SUPT16H: variants seen among roughly 807,000 people sequenced by gnomAD.
SUPT16H encodes the protein FACT complex subunit SPT16.
SUPT16H carries 24 observed loss-of-function variants against 136.2 expected under a neutral mutation model. That is an observed-to-expected ratio of 0.18 (90% CI 0.13 to 0.25). The LOEUF is 0.25. SUPT16H is among the 10% of genes least tolerant of loss of function. The probability of loss-of-function intolerance (pLI) is 1.00; values close to 1 mark genes in which losing one functional copy is unlikely to be tolerated. For synonymous variants in SUPT16H, 415 were observed against 428.2 expected (o/e 0.97, Z 0.38); for missense variants, 623 against 1,270.2 (o/e 0.49, Z 7.74).
At chr14:21,361,294 G>T in intron 15 of SUPT16H, 81 bp from the exon 16 acceptor site, 4 of 1,294,616 alleles carry the variant, frequency 3.1e-6, no homozygotes, top group Non-Finnish European at 3.3e-6. Flanking sequence ...CTTCTAAGCA[G>T]CTTAATCTCT....
chr14:21,372,226 TTAG>T (rs768651980), intron 2 of SUPT16H, 182 bp from the exon 3 acceptor site: 465 of 600,964 alleles, frequency 7.7e-4, no homozygotes, highest in Non-Finnish European at 1.1e-3. Flanking sequence ...CGACAATTTA[TTAG>T]AACAGGACAA....
At chr14:21,363,193 T>G in intron 12 of SUPT16H, 40 bp downstream of exon 12, 1 of 1,614,110 alleles carries the variant, frequency 6.2e-7, no homozygotes, top group African/African-American at 1.3e-5. Context: ...GTGAGCCATA[T>G]GACAGCCGAG....
intron 24 of SUPT16H, 41 bp downstream of exon 24, chr14:21,353,662 A>T (rs3736824): frequency 1.2e-6 from 2 of 1,604,446 alleles, no homozygotes; most frequent in Non-Finnish European, 1.7e-6. Context: ...AAATGACATT[A>T]GATTAGGAAG....
At chr14:21,383,353 G>A (rs955981718) in intron 1 of SUPT16H, 1 of 466,444 alleles carries the variant, frequency 2.1e-6, no homozygotes, top group African/African-American at 2.0e-5. Flanking sequence ...TTGCGCGTGA[G>A]CAGTATTTCT....
In SUPT16H at chr14:21,361,087, T is replaced by C. The variant is rs1396382337; in HGVS notation, c.1920A>G (p.Lys640=). The C allele has an allele frequency of 6.2e-7, 1 of 1,613,634 alleles. No individual in the cohort carries two copies. Among genetic ancestry groups the C allele is most frequent in the African/African-American group, 1.3e-5 (1 of 74,852 alleles). ...KRYKTREAEE[K]EKEGIVKQDS... ...CTGTGTTCAGGCTCACCTCCTTCTC[T>C]TTCTCTTCAGCTTCTCGAGTTTTAT... The change falls in exon 16 of 26, where the codon AAA becomes AAG. Residue 640 remains lysine, a synonymous_variant. Transcript: ENST00000216297.
intron 10 of SUPT16H, among the ~76,000 whole-genome samples, chr14:21,364,286 A>G (rs1372795868): frequency 6.6e-6 from 1 of 152,180 alleles, no homozygotes; most frequent in Non-Finnish European, 1.5e-5. Flanking sequence ...CTGAATTTAC[A>G]TCAACTGCTC....
intron 22 of SUPT16H, among the ~76,000 whole-genome samples, chr14:21,355,227 G>A (rs1269999586): frequency 6.6e-6 from 1 of 151,920 alleles, no homozygotes; most frequent in Non-Finnish European, 1.5e-5. Context: ...GGGTGCGGTG[G>A]CTCACGCCTG....
chr14:21,360,288 A>T (rs989575417), intron 18 of SUPT16H, 127 bp downstream of exon 18: 9 of 677,870 alleles, frequency 1.3e-5, no homozygotes, highest in Middle Eastern at 3.3e-4. Context: ...TCGGCCTCCC[A>T]AAGTGCTGGG....
rs888333552 is a variant in SUPT16H, at chr14:21,365,099, T to C, written c.1091A>G (p.Asn364Ser). 4.3e-6 allele frequency: 7 copies of C among 1,613,926 alleles called. No individual in the cohort carries two copies. Among genetic ancestry groups the C allele is most frequent in the East Asian group, 2.2e-5 (1 of 44,870 alleles). Residue 364 changes from asparagine (N) to serine (S), a missense_variant, in exon 9 of 26, where the codon AAT (asparagine) becomes AGT (serine). Physicochemically the swap from Asn to Ser is conservative, Grantham distance 46. Coordinates refer to ENST00000216297, the MANE Select transcript of SUPT16H (RefSeq NM_007192.4). ...IEFREGSLVI[N>S]SKNQYKLKKG... ...CTTCAGTTTGTATTGATTTTTGCTA[T>C]TGATTACTAGGGAGCCTTCACGGAA... is the stretch of plus-strand genomic sequence containing the variant.
chr14:21,372,104 A>G, intron 2 of SUPT16H, 60 bp from the exon 3 acceptor site: 1 of 1,516,988 alleles, frequency 6.6e-7, no homozygotes, highest in East Asian at 2.3e-5. Context: ...ATGGACTCAT[A>G]TAGATATACA....
intron 20 of SUPT16H, 130 bp downstream of exon 20, chr14:21,358,185 T>A: frequency 1.2e-6 from 1 of 813,126 alleles, no homozygotes; most frequent in South Asian, 1.9e-5. Context: ...CAAGAAAAAA[T>A]GGATGTCTCA....
intron 1 of SUPT16H, among the ~76,000 whole-genome samples, chr14:21,382,684 A>G (rs1390725850): frequency 6.7e-6 from 1 of 150,032 alleles, no homozygotes; most frequent in East Asian, 2.0e-4. Context: ...TGACACTGAG[A>G]GAAGCTGCAA....
intron 20 of SUPT16H, 91 bp from the exon 21 acceptor site, chr14:21,358,093 A>G: frequency 1.7e-6 from 2 of 1,211,770 alleles, no homozygotes; most frequent in Non-Finnish European, 2.4e-6. Context: ...CCCATTCCAA[A>G]CAGCTCCAGC....
chr14:21,382,492 A>C (rs1887050242), intron 1 of SUPT16H, among the ~76,000 whole-genome samples: 1 of 152,224 alleles, frequency 6.6e-6, no homozygotes, highest in African/African-American at 2.4e-5. Context: ...AATGGTATAG[A>C]GAGAATGAAA....
chr14:21,378,215 A>G (rs2139419141), intron 1 of SUPT16H, among the ~76,000 whole-genome samples: 1 of 152,300 alleles, frequency 6.6e-6, no homozygotes, highest in South Asian at 2.1e-4. Flanking sequence ...ACAGAAGAAA[A>G]TTCTATGAGT....
At chr14:21,377,752 T>C (rs1373693960) in intron 1 of SUPT16H, among the ~76,000 whole-genome samples, 1 of 152,158 alleles carries the variant, frequency 6.6e-6, no homozygotes, top group Non-Finnish European at 1.5e-5. Flanking sequence ...GCCTCCTAAG[T>C]AGCTGGCATT....
rs565524312 is a variant in SUPT16H, at chr14:21,357,538, A to G, written c.2491-172T>C. On this transcript the variant is annotated intron_variant, in intron 21 of 25. Coordinates refer to ENST00000216297, the MANE Select transcript of SUPT16H (RefSeq NM_007192.4). The stretch of plus-strand genomic sequence containing the variant: ...CATACTAAGAAGCCACAGAAAAAGG[A>G]TCTGCAAGATACAAAAATCATCCCT... Among the ~76,000 whole-genome samples, 19 of 152,210 alleles carry G rather than the reference A, an allele frequency of 1.2e-4. No individual in the cohort carries two copies. The South Asian group carries it at 3.7e-3, about 30-fold the overall frequency.
chr14:21,357,128 A>G, intron 22 of SUPT16H, 69 bp downstream of exon 22: 22 of 1,441,776 alleles, frequency 1.5e-5, no homozygotes, highest in Non-Finnish European at 2.0e-5. Context: ...TATGCACAAC[A>G]TACCACATTC....
chr14:21,383,793 G>C, intron 1 of SUPT16H, 69 bp downstream of exon 1: 1 of 1,563,882 alleles, frequency 6.4e-7, no homozygotes, highest in Middle Eastern at 1.7e-4. Flanking sequence ...AAAAAAGGGC[G>C]CCGAGAAACA....
Sources: gnomAD v4.1 joint callset for allele counts (sites outside exome capture counted in the v4.1 genomes callset) on GRCh38, gnomAD v4.1.1 for gene constraint, MANE v1.5 for transcripts, NCBI Gene and HGNC (gene_info 2026-07-23, HGNC 2026-07-21) for gene names.